Variants in ZC2HC1B observed in about 807,000 individuals in gnomAD.
The protein encoded by ZC2HC1B is zinc finger C2HC-type containing 1B.
A neutral mutation model predicts 31.0 loss-of-function variants in ZC2HC1B; 36 were observed. The ratio of observed to expected loss-of-function variants is 1.16; its 90% CI spans 0.89 to 1.54. The LOEUF is 1.54. Ranked by LOEUF, ZC2HC1B falls within the 40% of genes most tolerant of loss-of-function variation. ZC2HC1B has a pLI of 0.00. For synonymous variants in ZC2HC1B, 73 were observed against 88.0 expected (o/e 0.83, Z 0.95); for missense variants, 260 against 268.6 (o/e 0.97, Z 0.22).
At position 143,924,367 on chromosome 6, in the gene ZC2HC1B, A is replaced by G. The variant is rs1246049632; in HGVS notation, c.599-13282A>G. Among the ~76,000 whole-genome samples, 1 of 150,998 alleles carries G rather than the reference A, an allele frequency of 6.6e-6. No homozygotes were observed. Among genetic ancestry groups the G allele is most frequent in the African/African-American group, 2.4e-5 (1 of 41,132 alleles). ...TTAGGTTTTATATATATATATATGT[A>G]TTACATATATATATCCATGTATATA... On this transcript the variant is annotated intron_variant, in intron 6 of 7. Transcript: ENST00000237275. This position sits in a 1 kb window ranked among gnomAD's most constrained non-coding sequence, Gnocchi z 5.2.
intron 6 of ZC2HC1B, among the ~76,000 whole-genome samples, chr6:143,928,195 T>C (rs1339048704): frequency 6.6e-6 from 1 of 152,196 alleles, no homozygotes; most frequent in Non-Finnish European, 1.5e-5. Flanking sequence ...ATTCTTTGTG[T>C]AGGCCAATGT....
Position 143,889,330 on chromosome 6 carries a change from ATGG to A in ZC2HC1B, c.349+2511_349+2513del, listed in dbSNP as rs1360360113. 2.0e-5 allele frequency among the ~76,000 whole-genome samples: 3 copies of A among 152,200 alleles called. No homozygotes were observed. The East Asian group carries it at 5.8e-4, about 29-fold the overall frequency. On this transcript the variant is annotated intron_variant, in intron 4 of 7. Coordinates refer to ENST00000237275, the MANE Select transcript of ZC2HC1B (RefSeq NM_001013623.3). ...AGGTGGGATAAAGACAGATAACAAG[ATGG>A]TAGACTTAAACCTAACCATATGCAT...
rs61748350 is a variant in ZC2HC1B, at chr6:143,886,128, G to C, written c.187G>C (p.Val63Leu). 2.7e-4 allele frequency: 421 copies of C among 1,546,790 alleles called. 1 individual carries two copies. The African/African-American group carries it at 5.0e-3, about 18-fold the overall frequency. The change falls in exon 3 of 8, where the codon GTG (valine) becomes CTG (leucine). Residue 63 changes from valine (V) to leucine (L), a missense_variant. By Grantham distance (32) the Val-to-Leu change is conservative. Transcript: ENST00000237275. The surrounding 1 kb of genome is among the most constrained non-coding windows in gnomAD (Gnocchi z 4.2). Reference sequence around the variant, plus strand: ...ATTACAGGGCACTGACATTCCTACTGTGAAGAAGACTCCACAATCCAAGGT... The same window carrying C: ...ATTACAGGGCACTGACATTCCTACTCTGAAGAAGACTCCACAATCCAAGGT... ...QRLQGTDIPT[V>L]KKTPQSKSPP...
chr6:143,908,018 C>T lies in ZC2HC1B; in HGVS notation c.598+4866C>T, dbSNP rs561344762. 6.6e-6 allele frequency among the ~76,000 whole-genome samples: 1 copy of T among 152,158 alleles called. No individual in the cohort carries two copies. The highest frequency in any genetic ancestry group is 1.5e-5 in the Non-Finnish European group (1 of 68,032). ...TATGGCTGGCCAGTTATCCCAGCAC[C>T]ATTTATTAAATAAAGAATTCTTTCC... is the stretch of plus-strand genomic sequence containing the variant. On this transcript the variant is annotated intron_variant, in intron 6 of 7. Transcript: ENST00000237275. This position sits in a 1 kb window ranked among gnomAD's most constrained non-coding sequence, Gnocchi z 4.4.
At chr6:143,926,262 A>G (rs377680189) in intron 6 of ZC2HC1B, among the ~76,000 whole-genome samples, 1 of 152,182 alleles carries the variant, frequency 6.6e-6, no homozygotes, top group Non-Finnish European at 1.5e-5. Context: ...ATTTATTGCT[A>G]TGAAATTCCC....
rs1246116021 is a variant in ZC2HC1B, at chr6:143,924,453, A to C, written c.599-13196A>C. Among the ~76,000 whole-genome samples, 1 of 151,956 alleles carries C rather than the reference A, an allele frequency of 6.6e-6. No homozygotes were observed. Among genetic ancestry groups the C allele is most frequent in the Non-Finnish European group, 1.5e-5 (1 of 67,970 alleles). On this transcript the variant is annotated intron_variant, in intron 6 of 7. Coordinates refer to ENST00000237275, the MANE Select transcript of ZC2HC1B (RefSeq NM_001013623.3). The surrounding 1 kb of genome is among the most constrained non-coding windows in gnomAD (Gnocchi z 5.2). ...AAAGAGGGACAGTTTGACTTCCTCT[A>C]TTCCAATTTAGATGACATTTATTTA...
rs1352664622 is a variant in ZC2HC1B, at chr6:143,868,413, C to T, written c.28+3846C>T. 3.3e-5 allele frequency among the ~76,000 whole-genome samples: 5 copies of T among 152,090 alleles called. No individual in the cohort carries two copies. Among genetic ancestry groups the T allele is most frequent in the Non-Finnish European group, 7.4e-5 (5 of 68,020 alleles). ...TCAATGTTTGAGGGCAGGAAGCATC[C>T]AGCACAGGAGAAAGATGTAGGCTGG... On this transcript the variant is annotated intron_variant, in intron 1 of 7. Transcript: ENST00000237275. The surrounding 1 kb of genome is among the most constrained non-coding windows in gnomAD (Gnocchi z 4.2).
intron 6 of ZC2HC1B, among the ~76,000 whole-genome samples, chr6:143,928,260 A>G (rs879301302): frequency 6.6e-6 from 1 of 152,130 alleles, no homozygotes; most frequent in Non-Finnish European, 1.5e-5. Flanking sequence ...CGCATCATAC[A>G]TTTCAGTCTT....
chr6:143,870,761 A>G lies in ZC2HC1B; in HGVS notation c.28+6194A>G, dbSNP rs183806413. Among the ~76,000 whole-genome samples, 51 of 152,290 alleles carry G rather than the reference A, an allele frequency of 3.3e-4. No individual in the cohort carries two copies. The highest frequency in any genetic ancestry group is 1.1e-3 in the African/African-American group (46 of 41,566). The stretch of plus-strand genomic sequence containing the variant: ...TTGCTCCAAAATCCTAGAGGCCTCC[A>G]CTGTGATTCACCTTTGGGGGCCTGC... On this transcript the variant is annotated intron_variant, in intron 1 of 7. Coordinates refer to ENST00000237275, the MANE Select transcript of ZC2HC1B (RefSeq NM_001013623.3). The surrounding 1 kb of genome is among the most constrained non-coding windows in gnomAD (Gnocchi z 4.7).
At chr6:143,867,470 G>A (rs1250442899) in intron 1 of ZC2HC1B, among the ~76,000 whole-genome samples, 2 of 152,172 alleles carry the variant, frequency 1.3e-5, no homozygotes, top group Non-Finnish European at 2.9e-5. Context: ...GAGTTTTAGG[G>A]AACAAGTCAC....
chr6:143,904,742 T>TA (rs1353166477), intron 6 of ZC2HC1B, among the ~76,000 whole-genome samples: 1 of 152,206 alleles, frequency 6.6e-6, no homozygotes, highest in Admixed American at 6.5e-5. Context: ...CTTTAGATCT[T>TA]ACGTTTTAGT....
At chr6:143,866,061 C>T (rs1228658772) in intron 1 of ZC2HC1B, among the ~76,000 whole-genome samples, 1 of 152,172 alleles carries the variant, frequency 6.6e-6, no homozygotes, top group South Asian at 2.1e-4. Context: ...ATGATCCGCC[C>T]GCCTCGGCCT....
rs557795693 is a variant in ZC2HC1B, at chr6:143,897,700, GA to G, written c.350-842del. Among the ~76,000 whole-genome samples, 13 of 148,528 alleles carry G rather than the reference GA, an allele frequency of 8.8e-5. 1 individual carries two copies. Among genetic ancestry groups the G allele is most frequent in the African/African-American group, 2.2e-4 (9 of 40,510 alleles). ...TTGCCTGCTCACTTAGTAGTTAAGT[GA>G]AAAAAAAAATCTAGCCACTGCAAAA... On this transcript the variant is annotated intron_variant, in intron 4 of 7. Transcript: ENST00000237275.
At position 143,884,366 on chromosome 6, in the gene ZC2HC1B, G is replaced by C; in HGVS notation, c.90+1G>C. On this transcript the variant is annotated splice_donor_variant, in intron 2 of 7. Coordinates refer to ENST00000237275, the MANE Select transcript of ZC2HC1B (RefSeq NM_001013623.3). LOFTEE classifies it high-confidence loss of function. This position sits in a 1 kb window ranked among gnomAD's most constrained non-coding sequence, Gnocchi z 5.1. ...AAGACGTTTTGCAGCAGATGTTCTG[G>C]TAAACATAAAGACATTTTGTAGATG... 1.3e-6 allele frequency: 2 copies of C among 1,536,196 alleles called. No individual in the cohort carries two copies. Among genetic ancestry groups the C allele is most frequent in the South Asian group, 2.4e-5 (2 of 82,122 alleles).
chr6:143,922,885 G>A lies in ZC2HC1B; in HGVS notation c.599-14764G>A, dbSNP rs1777998619. Among the ~76,000 whole-genome samples, 1 of 152,198 alleles carries A rather than the reference G, an allele frequency of 6.6e-6. No homozygotes were observed. Among genetic ancestry groups the A allele is most frequent in the South Asian group, 2.1e-4 (1 of 4,818 alleles). ...TAAATACCCAAGAGTGAGATTACTAGATTTTGTGTTAGTTGTATTGTTAGT... is the reference window on the plus strand; with the variant it reads ...TAAATACCCAAGAGTGAGATTACTAAATTTTGTGTTAGTTGTATTGTTAGT... On this transcript the variant is annotated intron_variant, in intron 6 of 7. Transcript: ENST00000237275. The surrounding 1 kb of genome is among the most constrained non-coding windows in gnomAD (Gnocchi z 5.0).
chr6:143,869,537 A>G lies in ZC2HC1B; in HGVS notation c.28+4970A>G, dbSNP rs931080349. Among the ~76,000 whole-genome samples, 1 of 152,158 alleles carries G rather than the reference A, an allele frequency of 6.6e-6. No individual in the cohort carries two copies. The highest frequency in any genetic ancestry group is 6.5e-5 in the Admixed American group (1 of 15,282). On this transcript the variant is annotated intron_variant, in intron 1 of 7. Coordinates refer to ENST00000237275, the MANE Select transcript of ZC2HC1B (RefSeq NM_001013623.3). The surrounding 1 kb of genome is among the most constrained non-coding windows in gnomAD (Gnocchi z 5.2). ...TGTGTGGAATACCATGACAGTGGAT[A>G]AGGCATGCTATGAGTCCATGGATGG... is the stretch of plus-strand genomic sequence containing the variant.
intron 1 of ZC2HC1B, among the ~76,000 whole-genome samples, chr6:143,873,600 A>T (rs567550954): frequency 1.3e-5 from 2 of 152,246 alleles, no homozygotes; most frequent in South Asian, 2.1e-4. Flanking sequence ...ATCTAGGGGG[A>T]AGTTCCCAAA....
rs1025862416 is a variant in ZC2HC1B at position 143,917,454 on chromosome 6, G to A, written c.598+14302G>A. 6.6e-6 allele frequency among the ~76,000 whole-genome samples: 1 copy of A among 152,098 alleles called. No homozygotes were observed. Among genetic ancestry groups the A allele is most frequent in the East Asian group, 1.9e-4 (1 of 5,192 alleles). ...CTATTTTCTTAGTAGTTACCATGGG[G>A]ACTACATTTAACTTCCTAATGTTAT... is the stretch of plus-strand genomic sequence containing the variant. On this transcript the variant is annotated intron_variant, in intron 6 of 7. Coordinates refer to ENST00000237275, the MANE Select transcript of ZC2HC1B (RefSeq NM_001013623.3). The surrounding 1 kb of genome is among the most constrained non-coding windows in gnomAD (Gnocchi z 4.1).
rs34308015 is a variant in ZC2HC1B, at chr6:143,930,381, CTTT to C, written c.599-7250_599-7248del. Among the ~76,000 whole-genome samples the C allele has an allele frequency of 7.3e-3, 821 of 111,752 alleles. 6 individuals carry two copies. The highest frequency in any genetic ancestry group is 0.03 in the Middle Eastern group (6 of 198). The allele number at this position is 111,752 out of a possible 152,430, so 73.3% of individuals were successfully genotyped here. On this transcript the variant is annotated intron_variant, in intron 6 of 7. Coordinates refer to ENST00000237275, the MANE Select transcript of ZC2HC1B (RefSeq NM_001013623.3). ...TGTATTTGTATAGTTTTGAGAGTTT[CTTT>C]TTTTTTTTTTTTTTTTTCCTGAGAC... is the stretch of plus-strand genomic sequence containing the variant.
Sources: allele counts gnomAD v4.1 joint callset (sites outside exome capture counted in the v4.1 genomes callset), GRCh38; gene constraint gnomAD v4.1.1; non-coding constraint Gnocchi (gnomAD v3.1); transcripts MANE v1.5; gene names NCBI Gene and HGNC (gene_info 2026-07-23, HGNC 2026-07-21).